Variants in EFR3A observed in about 807,000 individuals in gnomAD.
The protein encoded by EFR3A is EFR3 homolog A, also known as protein EFR3 homolog A.
A neutral mutation model predicts 104.4 loss-of-function variants in EFR3A; 76 were observed. The ratio of observed to expected loss-of-function variants is 0.73; its 90% confidence interval spans 0.60 to 0.88. The LOEUF is 0.88. Among genes scored for constraint, EFR3A ranks in the 40% least tolerant of loss-of-function variants. EFR3A has a pLI of 0.00. For missense variants in EFR3A, 985 were observed against 1,012.5 expected (o/e 0.97, Z 0.37); for synonymous variants, 330 against 330.0 (o/e 1.00, Z 0.00).
intron 1 of EFR3A, among the ~76,000 whole-genome samples, chr8:131,921,516 T>G (rs1817025634): frequency 6.6e-6 from 1 of 152,166 alleles, no homozygotes; most frequent in Non-Finnish European, 1.5e-5. Context: ...CAGAGGTATA[T>G]CAGACATGAG....
At chr8:132,008,983 C>A (rs1366892474) in intron 22 of EFR3A, among the ~76,000 whole-genome samples, 2 of 148,786 alleles carry the variant, frequency 1.3e-5, no homozygotes, top group African/African-American at 4.9e-5. Flanking sequence ...CAGTTTATTT[C>A]ATTCTGTGAA....
In EFR3A at chr8:131,978,873, G is replaced by A. The variant is rs777021607; in HGVS notation, c.1353G>A (p.Thr451=). The A allele has an allele frequency of 5.0e-6, 8 of 1,605,366 alleles. No individual in the cohort carries two copies. The highest frequency in any genetic ancestry group is 1.1e-5 in the South Asian group (1 of 88,758). ...TGACCTCTGGATATAAAGCGAAGACGATTGTTACTGCACTGCCAGGGTCTT... is the reference window on the plus strand; with the variant it reads ...TGACCTCTGGATATAAAGCGAAGACAATTGTTACTGCACTGCCAGGGTCTT... The part of the protein sequence containing the change: ...LMVTSGYKAK[T]IVTALPGSFL... The change falls in exon 13 of 23, where the codon ACG becomes ACA. Residue 451 remains threonine (T), a synonymous_variant. Coordinates refer to ENST00000254624, the MANE Select transcript of EFR3A (RefSeq NM_015137.6).
At chr8:131,968,497 A>G in intron 9 of EFR3A, 67 bp downstream of exon 9, 13 of 1,463,158 alleles carry the variant, frequency 8.9e-6, no homozygotes, top group Non-Finnish European at 1.1e-5. Flanking sequence ...CAGTATGCAT[A>G]GCAGTGTATG....
intron 4 of EFR3A, among the ~76,000 whole-genome samples, chr8:131,949,666 TAGAC>T (rs1818602211): frequency 2.6e-5 from 4 of 151,946 alleles, no homozygotes; most frequent in African/African-American, 9.7e-5. Flanking sequence ...ATCAAAAAAT[TAGAC>T]AGGTTTGGTG....
Position 132,011,137 on chromosome 8 carries a change from T to A in EFR3A, c.*242T>A. ...TGAGGTTCCTGTTGCCTTTTTAAGT[T>A]GAACATGTTTTGGTTTCACTTTATT... On this transcript the variant is annotated 3_prime_UTR_variant, in exon 23 of 23. Transcript: ENST00000254624. The A allele has an allele frequency of 2.6e-6, 3 of 1,174,826 alleles. No homozygotes were observed. The highest frequency in any genetic ancestry group is 3.2e-6 in the Non-Finnish European group (3 of 945,580). 72.8% of individuals were successfully genotyped at this position (1,174,826 alleles called of 1,614,324 possible).
intron 1 of EFR3A, among the ~76,000 whole-genome samples, chr8:131,914,164 T>C (rs957623157): frequency 6.6e-6 from 1 of 152,158 alleles, no homozygotes; most frequent in African/African-American, 2.4e-5. Context: ...CAGGCAAATG[T>C]ATAACACCTA....
chr8:131,940,978 C>A (rs887516755), intron 2 of EFR3A, among the ~76,000 whole-genome samples: 2 of 151,882 alleles, frequency 1.3e-5, no homozygotes, highest in Non-Finnish European at 2.9e-5. Context: ...TTGGTAATTA[C>A]AGTTTCTTGT....
chr8:131,933,372 T>G (rs1205085115), intron 1 of EFR3A, among the ~76,000 whole-genome samples: 1 of 152,120 alleles, frequency 6.6e-6, no homozygotes, highest in African/African-American at 2.4e-5. Context: ...GTATGAGTAC[T>G]TTTCTCTCCT....
Position 131,955,770 on chromosome 8 carries a change from G to C in EFR3A, c.641G>C (p.Arg214Pro), listed in dbSNP as rs146871009. The change falls in exon 7 of 23, where the codon CGC becomes CCC. Residue 214 changes from arginine to proline, a missense_variant and splice_region_variant. Physicochemically the swap from Arg to Pro is moderately radical, Grantham distance 103 (BLOSUM62 -2). Coordinates refer to ENST00000254624, the MANE Select transcript of EFR3A (RefSeq NM_015137.6). Reference protein sequence around the residue: ...NMQKIEEVDSRIGPPSSPSAT... With the variant: ...NMQKIEEVDSPIGPPSSPSAT... ...CTTTATTTCTCGTTCCTTTTTAGTCGCATAGGCCCTCCTTCTTCTCCTTCT... is the reference window on the plus strand; with the variant it reads ...CTTTATTTCTCGTTCCTTTTTAGTCCCATAGGCCCTCCTTCTTCTCCTTCT... 1.2e-6 allele frequency: 2 copies of C among 1,609,036 alleles called. No individual in the cohort carries two copies. The highest frequency in any genetic ancestry group is 3.4e-5 in the Admixed American group (2 of 59,454).
intron 1 of EFR3A, among the ~76,000 whole-genome samples, chr8:131,936,331 C>G (rs543356954): frequency 6.6e-6 from 1 of 152,118 alleles, no homozygotes; most frequent in Admixed American, 6.6e-5. Flanking sequence ...CTTCTGTGAA[C>G]AAATGTGTGG....
intron 1 of EFR3A, among the ~76,000 whole-genome samples, chr8:131,910,397 G>A (rs71526227): frequency 6.6e-6 from 1 of 151,986 alleles, no homozygotes; most frequent in Non-Finnish European, 1.5e-5. Flanking sequence ...TCGGCCTCCC[G>A]AGTAGCTGGG....
At chr8:132,009,506 A>G (rs1822216838) in intron 22 of EFR3A, among the ~76,000 whole-genome samples, 1 of 152,102 alleles carries the variant, frequency 6.6e-6, no homozygotes, top group Non-Finnish European at 1.5e-5. Context: ...TTTGGTACTT[A>G]CACCAGATTG....
chr8:131,955,667 G>T, intron 6 of EFR3A, 101 bp from the exon 7 acceptor site: 1 of 1,319,502 alleles, frequency 7.6e-7, no homozygotes, highest in Non-Finnish European at 1.0e-6. Context: ...AGTATAAAAA[G>T]AAAATGCCAT....
At chr8:132,006,229 A>G (rs994436106) in intron 22 of EFR3A, among the ~76,000 whole-genome samples, 17 of 152,170 alleles carry the variant, frequency 1.1e-4, no homozygotes, top group South Asian at 2.1e-4. Context: ...TCAGAAGTCA[A>G]TGAAACAGAA....
At chr8:131,907,782 CT>C (rs924292663) in intron 1 of EFR3A, among the ~76,000 whole-genome samples, 2 of 151,588 alleles carry the variant, frequency 1.3e-5, no homozygotes, top group Admixed American at 1.3e-4. Context: ...CCCTTTTCCC[CT>C]CTTCCCCCCT....
chr8:131,908,227 A>AT (rs1171402361), intron 1 of EFR3A, among the ~76,000 whole-genome samples: 1 of 151,670 alleles, frequency 6.6e-6, no homozygotes, highest in East Asian at 1.9e-4. Context: ...CGCCCGGCTA[A>AT]TTTTTTGTAT....
At chr8:131,918,821 A>T (rs972917637) in intron 1 of EFR3A, among the ~76,000 whole-genome samples, 11 of 152,282 alleles carry the variant, frequency 7.2e-5, no homozygotes, top group South Asian at 2.1e-4. Context: ...AGGAAATAAA[A>T]TTTTTTAAAA....
At position 131,927,181 on chromosome 8, in the gene EFR3A, G is replaced by A. The variant is rs75323878; in HGVS notation, c.11-13318G>A. ...CAGCAGAGAGAGTAGCACCTGCCTA[G>A]CTTTAGGTCGTGGTTAAGGACAACT... On this transcript the variant is annotated intron_variant, in intron 1 of 22. Transcript: ENST00000254624. Among the ~76,000 whole-genome samples, 462 of 152,264 alleles carry A rather than the reference G, an allele frequency of 3.0e-3. 1 individual carries two copies. Among genetic ancestry groups the A allele is most frequent in the African/African-American group, 0.011 (440 of 41,546 alleles).
At position 131,904,227 on chromosome 8, in the gene EFR3A, C is replaced by G. The variant is rs1816123023; in HGVS notation, c.-86C>G. The G allele has an allele frequency of 1.6e-6, 2 of 1,260,078 alleles. No individual in the cohort carries two copies. Among genetic ancestry groups the G allele is most frequent in the Non-Finnish European group, 2.0e-6 (2 of 998,698 alleles). The allele number at this position is 1,260,078 out of a possible 1,614,324, so 78.1% of individuals were successfully genotyped here. ...TTCGCCTCGTTCCGGCCTCCGCGGC[C>G]CAGCAACGGCCGTCATGGTGCCGTC... On this transcript the variant is annotated 5_prime_UTR_variant, in exon 1 of 23. Transcript: ENST00000254624.
Sources: allele counts gnomAD v4.1 joint callset (sites outside exome capture counted in the v4.1 genomes callset), GRCh38; gene constraint gnomAD v4.1.1; transcripts MANE v1.5; gene names NCBI Gene and HGNC (gene_info 2026-07-23, HGNC 2026-07-21).